RFX6: variants seen among roughly 807,000 people sequenced by gnomAD.
The protein encoded by RFX6 is DNA-binding protein RFX6.
A neutral mutation model predicts 110.8 loss-of-function variants in RFX6; 50 were observed. The ratio of observed to expected loss-of-function variants is 0.45; its 90% confidence interval spans 0.36 to 0.57. The LOEUF (loss-of-function observed/expected upper bound fraction) is 0.57, where lower values mean the gene tolerates loss of function less well. RFX6 is among the 20% of genes least tolerant of loss of function. The pLI, the probability that RFX6 is intolerant of heterozygous loss-of-function variation, is 0.00. For synonymous variants in RFX6, 383 were observed against 411.2 expected (o/e 0.93, Z 0.83); for missense variants, 990 against 1,127.0 (o/e 0.88, Z 1.74).
At chr6:116,901,572 C>T (rs1353594319) in intron 6 of RFX6, among the ~76,000 whole-genome samples, 1 of 152,154 alleles carries the variant, frequency 6.6e-6, no homozygotes, top group Non-Finnish European at 1.5e-5. Flanking sequence ...GAATGACTAA[C>T]AGTGCTAGTT....
chr6:116,880,199 C>T (rs189939636), intron 2 of RFX6, among the ~76,000 whole-genome samples: 2 of 152,074 alleles, frequency 1.3e-5, no homozygotes, highest in African/African-American at 4.8e-5. Flanking sequence ...AAAAAATACC[C>T]ATCATCTTCA....
chr6:116,916,770 A>T (rs139375100), intron 9 of RFX6, among the ~76,000 whole-genome samples: 1,688 of 152,246 alleles, frequency 0.011, 29 homozygotes, highest in Admixed American at 0.041. Context: ...ACCAAATCAG[A>T]GTTCCTAAGT....
chr6:116,878,117 A>G (rs1214524200), intron 2 of RFX6, among the ~76,000 whole-genome samples, 165 bp downstream of exon 2: 2 of 152,254 alleles, frequency 1.3e-5, no homozygotes, highest in Non-Finnish European at 2.9e-5. Flanking sequence ...AATTTTTAGT[A>G]TAGAGACTTA....
Position 116,922,052 on chromosome 6 carries a change from C to A in RFX6, c.1338C>A (p.Ile446=). 3.6e-6 allele frequency: 5 copies of A among 1,389,186 alleles called. No individual in the cohort carries two copies. Among genetic ancestry groups the A allele is most frequent in the Non-Finnish European group, 5.1e-6 (5 of 981,060 alleles). 86.1% of individuals were successfully genotyped at this position (1,389,186 alleles called of 1,614,324 possible). A position where few individuals can be genotyped will look rare whatever the true frequency, so the allele number is the denominator to read the frequency against. ...TTTTTTCCTGGGTAGATGACTCTAT[C>A]ACTGTGTTCCAAGAACTGAAGGATC... is the stretch of plus-strand genomic sequence containing the variant. ...ESGIYTEHDS[I]TVFQELKDLL... is the part of the protein sequence containing the mutation. Residue 446 remains isoleucine, a synonymous_variant, in exon 13 of 19, where the codon ATC becomes ATA. Coordinates refer to ENST00000332958, the MANE Select transcript of RFX6 (RefSeq NM_173560.4).
Position 116,920,293 on chromosome 6 carries a change from T to C in RFX6, c.1183-17T>C, listed in dbSNP as rs1775564633. ...GAAATGATATAGTGTAGTGTCTTCT[T>C]TACTTTCTCTATGCAGATTGCCAGA... On this transcript the variant is annotated splice_polypyrimidine_tract_variant and intron_variant, in intron 11 of 18. Transcript: ENST00000332958. The C allele has an allele frequency of 6.2e-7, 1 of 1,602,610 alleles. No individual in the cohort carries two copies. Among genetic ancestry groups the C allele is most frequent in the African/African-American group, 1.3e-5 (1 of 74,818 alleles).
At position 116,877,734 on chromosome 6, in the gene RFX6, A is replaced by C. The variant is rs554162613; in HGVS notation, c.224-62A>C. ...ACTCCTTTGAAGTTAAGGTACACTT[A>C]AAGGCGACTTAGTTGATTTTATATT... On this transcript the variant is annotated intron_variant, in intron 1 of 18. Coordinates refer to ENST00000332958, the MANE Select transcript of RFX6 (RefSeq NM_173560.4). The C allele has an allele frequency of 1.4e-5, 21 of 1,555,098 alleles. No homozygotes were observed. In the East Asian group the frequency reaches 4.3e-4, roughly 32 times the overall value.
At chr6:116,893,319 G>A (rs1473159217) in intron 4 of RFX6, among the ~76,000 whole-genome samples, 1 of 152,174 alleles carries the variant, frequency 6.6e-6, no homozygotes, top group African/African-American at 2.4e-5. Context: ...AGGAGAATAA[G>A]CCATAATTTG....
chr6:116,912,994 G>A (rs1775387001), intron 7 of RFX6, among the ~76,000 whole-genome samples: 1 of 152,106 alleles, frequency 6.6e-6, no homozygotes, highest in Admixed American at 6.6e-5. Flanking sequence ...CCATTAGCCA[G>A]GCTCCTCAGG....
chr6:116,888,183 A>G (rs1238771003), intron 4 of RFX6, among the ~76,000 whole-genome samples: 4 of 152,338 alleles, frequency 2.6e-5, no homozygotes, highest in Non-Finnish European at 5.9e-5. Flanking sequence ...CAGTGGGAAC[A>G]TATGTTTCAG....
At chr6:116,930,916 A>G (rs1218324123) in intron 18 of RFX6, among the ~76,000 whole-genome samples, 2 of 152,134 alleles carry the variant, frequency 1.3e-5, no homozygotes, top group African/African-American at 4.8e-5. Flanking sequence ...CTCTTCAGCA[A>G]TATCATTCTG....
At chr6:116,911,691 G>C (rs17207882) in intron 7 of RFX6, among the ~76,000 whole-genome samples, 28,652 of 152,154 alleles carry the variant, frequency 0.19, 3,497 homozygotes, top group Non-Finnish European at 0.27. Flanking sequence ...TAGTAGCAGA[G>C]ACCATTATTA....
chr6:116,889,390 G>A (rs548267488), intron 4 of RFX6, among the ~76,000 whole-genome samples: 2 of 151,990 alleles, frequency 1.3e-5, no homozygotes, highest in Admixed American at 6.5e-5. Flanking sequence ...TCTCATCCTC[G>A]AAATCTTAGG....
intron 16 of RFX6, among the ~76,000 whole-genome samples, chr6:116,926,220 G>A (rs547437360): frequency 1.3e-5 from 2 of 152,198 alleles, no homozygotes; most frequent in Admixed American, 6.5e-5. Flanking sequence ...CCCAGGAGGC[G>A]GACCTTGCAG....
Position 116,877,884 on chromosome 6 carries a change from G to C in RFX6, c.312G>C (p.Leu104=). 6.2e-7 allele frequency: 1 copy of C among 1,614,136 alleles called. No individual in the cohort carries two copies. Among genetic ancestry groups the C allele is most frequent in the Non-Finnish European group, 8.5e-7 (1 of 1,180,004 alleles). Residue 104 remains leucine (L), a synonymous_variant, in exon 2 of 19, where the codon CTG becomes CTC. Transcript: ENST00000332958. The part of the protein sequence containing the change: ...DSKTKAADQY[L]SQKKTITQIV... ...AAACCAAAGCAGCGGATCAATACCT[G>C]TCTCAGAAGAAAACCATCACGCAGA...
chr6:116,895,675 C>T (rs1251711535), intron 6 of RFX6, among the ~76,000 whole-genome samples: 1 of 151,364 alleles, frequency 6.6e-6, no homozygotes, highest in Non-Finnish European at 1.5e-5. Context: ...CACACACACA[C>T]ACGTATACAA....
chr6:116,903,140 A>G (rs339301), intron 6 of RFX6, among the ~76,000 whole-genome samples: 44,071 of 151,888 alleles, frequency 0.29, 6,574 homozygotes, highest in South Asian at 0.38. Flanking sequence ...TTACTATTTT[A>G]AAGATGATCA....
rs760028056 is a variant in RFX6, at chr6:116,925,517, G to A, written c.1743G>A (p.Gly581=). 1.2e-6 allele frequency: 2 copies of A among 1,614,034 alleles called. No homozygotes were observed. Among genetic ancestry groups the A allele is most frequent in the African/African-American group, 1.3e-5 (1 of 74,934 alleles). ...SSCFLANRNK[G]SMVSSDAVKN... ...GCTTTCTGGCCAACCGTAATAAAGG[G>A]AGCATGGTTTCCAGCGACGCTGTGA... Residue 581 remains glycine, a synonymous_variant, in exon 16 of 19, where the codon GGG becomes GGA. Transcript: ENST00000332958.
At position 116,923,429 on chromosome 6, in the gene RFX6, G is replaced by C; in HGVS notation, c.1555+205G>C. 8 of 568,274 alleles carry C rather than the reference G, an allele frequency of 1.4e-5. No individual in the cohort carries two copies. In the South Asian group the frequency reaches 1.6e-4, roughly 11 times the overall value. The allele number at this position is 568,274 out of a possible 1,614,324, so 35.2% of individuals were successfully genotyped here. A position where few individuals can be genotyped will look rare whatever the true frequency, so the allele number is the denominator to read the frequency against. ...TAAATCCTAACAATGATTGTCTCTG[G>C]CTATGGGCCAATCTGCTCATTGAAG... is the stretch of plus-strand genomic sequence containing the variant. On this transcript the variant is annotated intron_variant, in intron 14 of 18. Coordinates refer to ENST00000332958, the MANE Select transcript of RFX6 (RefSeq NM_173560.4).
chr6:116,931,741 A>G lies in RFX6; in HGVS notation c.*235A>G. ...CATTATTAATCATAGTTTCAAAATT[A>G]TCAAATAAAACCAGTGAAGATCTGA... On this transcript the variant is annotated 3_prime_UTR_variant, in exon 19 of 19. Coordinates refer to ENST00000332958, the MANE Select transcript of RFX6 (RefSeq NM_173560.4). 2.3e-6 allele frequency: 1 copy of G among 432,934 alleles called. No homozygotes were observed. The highest frequency in any genetic ancestry group is 4.1e-6 in the Non-Finnish European group (1 of 244,056). 26.8% of individuals were successfully genotyped at this position (432,934 alleles called of 1,614,324 possible).
Sources: allele counts gnomAD v4.1 joint callset (sites outside exome capture counted in the v4.1 genomes callset), GRCh38; gene constraint gnomAD v4.1.1; transcripts MANE v1.5; gene names NCBI Gene and HGNC (gene_info 2026-07-23, HGNC 2026-07-21).